FOXP4: variants seen among roughly 807,000 people sequenced by gnomAD.
The protein encoded by FOXP4 is forkhead box P4, also known as forkhead box protein P4.
Under a neutral mutation model 82.6 loss-of-function variants are expected in FOXP4, and 25 were observed. That is an observed-to-expected ratio of 0.30 (90% confidence interval 0.22 to 0.42). The LOEUF (loss-of-function observed/expected upper bound fraction) is 0.42, where lower values mean the gene tolerates loss of function less well. Ranked by LOEUF, FOXP4 falls within the 10% of genes least tolerant of loss-of-function variation. FOXP4 has a pLI of 1.00. For missense variants in FOXP4, 785 were observed against 900.9 expected (o/e 0.87, Z 1.65); for synonymous variants, 415 against 388.2 (o/e 1.07, Z -0.81).
chr6:41,593,093 C>G lies in FOXP4; in HGVS notation c.1536+1771C>G, dbSNP rs149037398. ...CCATCCAGCTTGAGGTCCACTTTGA[C>G]CTTCTGGTTTTTTTCAGCCAAATGC... is the stretch of plus-strand genomic sequence containing the variant. On this transcript the variant is annotated intron_variant, in intron 13 of 16. Coordinates refer to ENST00000307972, the MANE Select transcript of FOXP4 (RefSeq NM_001012426.2). This position sits in a 1 kb window ranked among gnomAD's most constrained non-coding sequence, Gnocchi z 4.1. Among the ~76,000 whole-genome samples, 68 of 152,314 alleles carry G rather than the reference C, an allele frequency of 4.5e-4. No individual in the cohort carries two copies. The highest frequency in any genetic ancestry group is 1.5e-3 in the African/African-American group (63 of 41,566).
chr6:41,570,250 T>C (rs1217494300), intron 2 of FOXP4: 1 of 463,636 alleles, frequency 2.2e-6, no homozygotes, highest in Admixed American at 2.4e-5. Flanking sequence ...TTCTGGAGAA[T>C]GAGCCCCTCC....
At chr6:41,595,058 C>A (rs1766750202) in intron 14 of FOXP4, 67 bp downstream of exon 14, 3 of 1,603,260 alleles carry the variant, frequency 1.9e-6, no homozygotes, top group Admixed American at 1.7e-5. Flanking sequence ...ACCCCCACCC[C>A]CTACCTCTCC....
intron 9 of FOXP4, 75 bp downstream of exon 9, chr6:41,588,806 G>T: frequency 6.5e-7 from 1 of 1,543,758 alleles, no homozygotes; most frequent in East Asian, 2.2e-5. Context: ...GACTTGCTAG[G>T]TGGGCTCTGT....
chr6:41,549,446 G>C (rs75306249), intron 1 of FOXP4, among the ~76,000 whole-genome samples: 1 of 152,010 alleles, frequency 6.6e-6, no homozygotes, highest in Non-Finnish European at 1.5e-5. Context: ...CTTTAGAGCC[G>C]AAAACTTCCG....
chr6:41,567,969 A>T (rs1166222878), intron 2 of FOXP4, among the ~76,000 whole-genome samples: 1 of 152,256 alleles, frequency 6.6e-6, no homozygotes, highest in African/African-American at 2.4e-5. Flanking sequence ...TTTGAGACTT[A>T]AAAAAGGTTT....
At chr6:41,590,247 C>CTG in intron 11 of FOXP4, 24 bp from the exon 12 acceptor site, 1 of 1,613,658 alleles carries the variant, frequency 6.2e-7, no homozygotes, top group Non-Finnish European at 8.5e-7. Context: ...ATCTGGCTAC[C>CTG]TCATCCTCTG....
chr6:41,579,989 T>C (rs192116970), intron 3 of FOXP4, among the ~76,000 whole-genome samples: 24 of 151,280 alleles, frequency 1.6e-4, no homozygotes, highest in African/African-American at 5.8e-4. Flanking sequence ...TCCAAAGTTA[T>C]ACAACAAATA....
At position 41,578,098 on chromosome 6, in the gene FOXP4, C is replaced by T; in HGVS notation, c.300+17C>T. On this transcript the variant is annotated intron_variant, in intron 3 of 16. Coordinates refer to ENST00000307972, the MANE Select transcript of FOXP4 (RefSeq NM_001012426.2). ...GCTGTGCAGGTGAGGAAGAGAGCACCCCGCTGGCTCTGGGTTGGGCTGGAG... is the reference window on the plus strand; with the variant it reads ...GCTGTGCAGGTGAGGAAGAGAGCACTCCGCTGGCTCTGGGTTGGGCTGGAG... 2 of 1,606,650 alleles carry T rather than the reference C, an allele frequency of 1.2e-6. No individual in the cohort carries two copies. Among genetic ancestry groups the T allele is most frequent in the Non-Finnish European group, 1.7e-6 (2 of 1,174,832 alleles).
At position 41,594,979 on chromosome 6, in the gene FOXP4, C is replaced by T. The variant is rs755695040; in HGVS notation, c.1646C>T (p.Pro549Leu). The T allele has an allele frequency of 5.0e-6, 8 of 1,613,988 alleles. No individual in the cohort carries two copies. Among genetic ancestry groups the T allele is most frequent in the Non-Finnish European group, 6.8e-6 (8 of 1,180,022 alleles). Residue 549 changes from proline to leucine, a missense_variant, in exon 14 of 17, where the codon CCA becomes CTA. Around this residue, in one of 3 missense-constraint regions of FOXP4, gnomAD observed 184 missense variants for 187.3 expected, o/e 0.98. Coordinates refer to ENST00000307972, the MANE Select transcript of FOXP4 (RefSeq NM_001012426.2). ...CGGGAGTATCAGAAGCGGAGACCGC[C>T]AAAGATGACAGGGTATGTGGGTCCA... is the stretch of plus-strand genomic sequence containing the variant. ...DEREYQKRRPPKMTGSPTLVK... is the reference protein window; with the variant it reads ...DEREYQKRRPLKMTGSPTLVK...
At position 41,584,754 on chromosome 6, in the gene FOXP4, G is replaced by C; in HGVS notation, c.301-15G>C. On this transcript the variant is annotated splice_polypyrimidine_tract_variant and intron_variant, in intron 3 of 16. Transcript: ENST00000307972. Reference sequence around the variant, plus strand: ...TGGGGTCCAGGGGACAGGGCTAACGGGCCGAATCCTGCAGGTGCCTGTGTC... The same window carrying C: ...TGGGGTCCAGGGGACAGGGCTAACGCGCCGAATCCTGCAGGTGCCTGTGTC... 6.4e-7 allele frequency: 1 copy of C among 1,572,742 alleles called. No homozygotes were observed. Among genetic ancestry groups the C allele is most frequent in the African/African-American group, 1.3e-5 (1 of 74,208 alleles).
In FOXP4 at chr6:41,582,273, TTAA is replaced by T. The variant is rs576975646; in HGVS notation, c.301-2494_301-2492del. The stretch of plus-strand genomic sequence containing the variant: ...GTTTTCCCATCTCATCTGTGAGATG[TTAA>T]TGATGATGGCACCATCCTCACAGGG... On this transcript the variant is annotated intron_variant, in intron 3 of 16. Coordinates refer to ENST00000307972, the MANE Select transcript of FOXP4 (RefSeq NM_001012426.2). Among the ~76,000 whole-genome samples the T allele has an allele frequency of 7.9e-5, 12 of 152,336 alleles. No homozygotes were observed. The South Asian group carries it at 1.0e-3, about 13-fold the overall frequency.
rs1766960227 is a variant in FOXP4 at position 41,597,949 on chromosome 6, A to G, written c.1894A>G (p.Ser632Gly). The change falls in exon 16 of 17, where the codon AGC becomes GGC. Residue 632 changes from serine (S) to glycine (G), a missense_variant and splice_region_variant. Physicochemically the swap from Ser to Gly is moderately conservative, Grantham distance 56 (BLOSUM62 0). This residue lies in a region of FOXP4 where 184 missense variants were observed against 187.3 expected (regional missense o/e 0.98). Transcript: ENST00000307972. ...TCCTCGCCTCTCCCCGCCCCAGTAC[A>G]GGTGAGCACACAGCACGGACCCCCA... is the stretch of plus-strand genomic sequence containing the variant. ...SPPRLSPPQY[S>G]HQVQVKEEPA... The G allele has an allele frequency of 6.5e-7, 1 of 1,528,354 alleles. No homozygotes were observed. The allele number at this position is 1,528,354 out of a possible 1,614,324, so 94.7% of individuals were successfully genotyped here.
At position 41,601,725 on chromosome 6, in the gene FOXP4, C is replaced by CAA. The variant is rs1767220437; in HGVS notation, c.*2789_*2790insAA. On this transcript the variant is annotated 3_prime_UTR_variant, in exon 17 of 17. Transcript: ENST00000307972. ...TCCCGACCTCAGGTGATCCGCCAGC[C>CAA]TCAGCCTCCCAAAGTGCTGGGATTA... The CAA allele has an allele frequency of 3.9e-5, 6 of 152,384 alleles. No homozygotes were observed. The highest frequency in any genetic ancestry group is 5.9e-5 in the Non-Finnish European group (4 of 68,176). 9.4% of individuals were successfully genotyped at this position (152,384 alleles called of 1,614,324 possible).
chr6:41,552,061 G>A (rs1764028723), intron 1 of FOXP4, among the ~76,000 whole-genome samples: 1 of 152,326 alleles, frequency 6.6e-6, no homozygotes, highest in Middle Eastern at 3.4e-3. Flanking sequence ...GCCTCCCCGT[G>A]TGAAATGAAA....
intron 4 of FOXP4, 35 bp from the exon 5 acceptor site, chr6:41,585,396 A>G: frequency 6.2e-7 from 1 of 1,606,764 alleles, no homozygotes; most frequent in Non-Finnish European, 8.5e-7. Flanking sequence ...GGATAGCAGT[A>G]CCCTGCCAGT....
intron 2 of FOXP4, among the ~76,000 whole-genome samples, chr6:41,568,606 C>T (rs1221718320): frequency 1.3e-5 from 2 of 152,192 alleles, no homozygotes; most frequent in African/African-American, 4.8e-5. Flanking sequence ...CCTAAGTAGC[C>T]ACTCTAGTGC....
rs530181504 is a variant in FOXP4, at chr6:41,601,692, T to C, written c.*2756T>C. 2 of 152,146 alleles carry C rather than the reference T, an allele frequency of 1.3e-5. No homozygotes were observed. The highest frequency in any genetic ancestry group is 4.2e-4 in the South Asian group (2 of 4,810). The allele number at this position is 152,146 out of a possible 1,614,324, so 9.4% of individuals were successfully genotyped here. The stretch of plus-strand genomic sequence containing the variant: ...GGTTTCTCTATGTTGGTCAGGCTGA[T>C]CTCGAACTCCCGACCTCAGGTGATC... On this transcript the variant is annotated 3_prime_UTR_variant, in exon 17 of 17. Coordinates refer to ENST00000307972, the MANE Select transcript of FOXP4 (RefSeq NM_001012426.2).
intron 3 of FOXP4, among the ~76,000 whole-genome samples, chr6:41,580,505 G>C (rs975479695): frequency 6.6e-6 from 1 of 152,228 alleles, no homozygotes; most frequent in African/African-American, 2.4e-5. Flanking sequence ...CAGGGATATG[G>C]GGGTTCTTGG....
At chr6:41,566,679 A>G (rs901783691) in intron 2 of FOXP4, among the ~76,000 whole-genome samples, 2 of 152,198 alleles carry the variant, frequency 1.3e-5, no homozygotes, top group African/African-American at 2.4e-5. Context: ...ACCTGGGGAA[A>G]AAGGGAGAGT....
Sources: gnomAD v4.1 joint callset for allele counts (sites outside exome capture counted in the v4.1 genomes callset) on GRCh38, gnomAD v4.1.1 for gene constraint, gnomAD v4.1.1 regional missense constraint, Gnocchi (gnomAD v3.1) non-coding constraint, MANE v1.5 for transcripts, NCBI Gene and HGNC (gene_info 2026-07-23, HGNC 2026-07-21) for gene names.